IQCJ: variants seen among roughly 807,000 people sequenced by gnomAD.
IQCJ encodes IQ motif containing J.
In IQCJ, 9 loss-of-function variants were observed where a neutral mutation model predicts 11.0. The observed-to-expected ratio is 0.82, with a 90% CI of 0.49 to 1.43. The LOEUF is 1.43. Ranked by LOEUF, IQCJ falls within the 40% of genes most tolerant of loss-of-function variation. The pLI, the probability that IQCJ is intolerant of heterozygous loss-of-function variation, is 0.00. For missense variants in IQCJ, 146 were observed against 133.2 expected (o/e 1.10, Z -0.47); for synonymous variants, 55 against 51.3 (o/e 1.07, Z -0.31).
intron 3 of IQCJ, among the ~76,000 whole-genome samples, chr3:159,261,984 C>T (rs1029050164): frequency 2.0e-5 from 3 of 152,218 alleles, no homozygotes; most frequent in African/African-American, 7.2e-5. Context: ...CTGCCTTGTG[C>T]CCCACAGCAG....
At chr3:159,181,532 A>G (rs750451173) in intron 1 of IQCJ, among the ~76,000 whole-genome samples, 2 of 150,852 alleles carry the variant, frequency 1.3e-5, no homozygotes, top group Non-Finnish European at 3.0e-5. Context: ...TGGGAAATCC[A>G]CCAGGGATTT....
intron 1 of IQCJ, among the ~76,000 whole-genome samples, chr3:159,172,755 G>A (rs984385859): frequency 3.1e-5 from 4 of 130,256 alleles, no homozygotes; most frequent in African/African-American, 1.1e-4. Flanking sequence ...TAGGCAGGAA[G>A]CAGCCAAAGG....
chr3:159,144,023 T>C (rs888032398), intron 1 of IQCJ, among the ~76,000 whole-genome samples: 2 of 152,176 alleles, frequency 1.3e-5, no homozygotes, highest in African/African-American at 2.4e-5. Context: ...AGTCCTTTTA[T>C]AAGCATACTA....
At chr3:159,128,585 C>T (rs983108571) in intron 1 of IQCJ, among the ~76,000 whole-genome samples, 4 of 152,132 alleles carry the variant, frequency 2.6e-5, no homozygotes, top group Non-Finnish European at 4.4e-5. Flanking sequence ...GCATGCCCCT[C>T]GTTTCTAGAC....
intron 1 of IQCJ, among the ~76,000 whole-genome samples, chr3:159,245,224 A>G (rs999106691): frequency 1.1e-4 from 16 of 152,164 alleles, no homozygotes; most frequent in Admixed American, 8.5e-4. Flanking sequence ...GCATGCAGTC[A>G]TTAGAGTCTC....
At chr3:159,088,060 C>G (rs1046462729) in intron 1 of IQCJ, among the ~76,000 whole-genome samples, 33 of 152,128 alleles carry the variant, frequency 2.2e-4, no homozygotes, top group Admixed American at 6.5e-4. Context: ...GCATTTAATG[C>G]TATAAATTTC....
chr3:159,201,562 G>A (rs971718663), intron 1 of IQCJ, among the ~76,000 whole-genome samples: 1 of 147,736 alleles, frequency 6.8e-6, no homozygotes, highest in Admixed American at 6.8e-5. Context: ...TTTGGAATGA[G>A]TTGAATGGAA....
At chr3:159,234,348 A>G (rs1726449166) in intron 1 of IQCJ, among the ~76,000 whole-genome samples, 1 of 152,234 alleles carries the variant, frequency 6.6e-6, no homozygotes, top group African/African-American at 2.4e-5. Context: ...TAGTTGCAGA[A>G]GGAAATACTA....
At chr3:159,076,988 T>C (rs1412281070) in intron 1 of IQCJ, among the ~76,000 whole-genome samples, 1 of 152,162 alleles carries the variant, frequency 6.6e-6, no homozygotes, top group African/African-American at 2.4e-5. Context: ...TGGCATGCAA[T>C]AGACACTCCA....
intron 1 of IQCJ, among the ~76,000 whole-genome samples, chr3:159,111,821 C>T (rs1050156712): frequency 6.6e-6 from 1 of 152,072 alleles, no homozygotes; most frequent in Non-Finnish European, 1.5e-5. Context: ...GTTTTATTTG[C>T]ATTTAATTTT....
intron 1 of IQCJ, among the ~76,000 whole-genome samples, chr3:159,132,247 G>C (rs1439775565): frequency 2.0e-5 from 3 of 152,098 alleles, no homozygotes; most frequent in Admixed American, 6.6e-5. Context: ...GTCTCCTTCA[G>C]CTTCTTTTTC....
At chr3:159,072,323 G>A (rs536551532) in intron 1 of IQCJ, among the ~76,000 whole-genome samples, 3 of 151,986 alleles carry the variant, frequency 2.0e-5, no homozygotes, top group Non-Finnish European at 4.4e-5. Context: ...TCAACCAAGC[G>A]GGGGAGGAGG....
rs1055908975 is a variant in IQCJ at position 159,200,080 on chromosome 3, T to C, written c.10-45763T>C. Among the ~76,000 whole-genome samples the C allele has an allele frequency of 7.1e-5, 10 of 140,590 alleles. 1 individual carries two copies. Among genetic ancestry groups the C allele is most frequent in the African/African-American group, 2.7e-4 (10 of 37,210 alleles). 92.2% of individuals were successfully genotyped at this position (140,590 alleles called of 152,430 possible). A position where few individuals can be genotyped will look rare whatever the true frequency, so the allele number is the denominator to read the frequency against. On this transcript the variant is annotated intron_variant, in intron 1 of 3. Coordinates refer to ENST00000397832, the MANE Select transcript of IQCJ (RefSeq NM_001042706.3). ...AATTATATATATATGTGTGTGCATA[T>C]ATGTATGTATGTGTTTATACATAAA...
At chr3:159,147,373 T>C (rs1203111296) in intron 1 of IQCJ, among the ~76,000 whole-genome samples, 1 of 152,262 alleles carries the variant, frequency 6.6e-6, no homozygotes, top group African/African-American at 2.4e-5. Context: ...CAGCCTTTGC[T>C]TCTCCTCTTC....
At chr3:159,194,576 T>A (rs766611163) in intron 1 of IQCJ, among the ~76,000 whole-genome samples, 5 of 152,232 alleles carry the variant, frequency 3.3e-5, no homozygotes, top group Non-Finnish European at 7.3e-5. Context: ...GCATTTCTTA[T>A]CATTTTAGAT....
At position 159,081,955 on chromosome 3, in the gene IQCJ, T is replaced by C. The variant is rs546590017; in HGVS notation, c.9+12514T>C. ...TGCTTGTATTCAAACAAAACAAAAA[T>C]TGAAGTGGAGGGATGTCCATTAACT... On this transcript the variant is annotated intron_variant, in intron 1 of 3. Coordinates refer to ENST00000397832, the MANE Select transcript of IQCJ (RefSeq NM_001042706.3). Among the ~76,000 whole-genome samples, 221 of 152,208 alleles carry C rather than the reference T, an allele frequency of 1.5e-3. 1 individual carries two copies. Among genetic ancestry groups the C allele is most frequent in the African/African-American group, 4.9e-3 (205 of 41,540 alleles).
At chr3:159,246,414 TA>T (rs1235183727) in intron 2 of IQCJ, among the ~76,000 whole-genome samples, 7 of 152,224 alleles carry the variant, frequency 4.6e-5, no homozygotes, top group African/African-American at 1.7e-4. Flanking sequence ...ATTCTGATTA[TA>T]GCCTTTTGAT....
At chr3:159,102,544 C>T (rs1009369243) in intron 1 of IQCJ, among the ~76,000 whole-genome samples, 4 of 152,184 alleles carry the variant, frequency 2.6e-5, no homozygotes, top group African/African-American at 9.6e-5. Flanking sequence ...ATACCAATCA[C>T]ATGGGTCTGC....
At chr3:159,119,350 A>T in intron 1 of IQCJ, among the ~76,000 whole-genome samples, 1 of 152,210 alleles carries the variant, frequency 6.6e-6, no homozygotes, top group East Asian at 1.9e-4. Flanking sequence ...CTTCAGTCTT[A>T]TAAAACTAAT....
Sources: allele counts gnomAD v4.1 joint callset (sites outside exome capture counted in the v4.1 genomes callset), GRCh38; gene constraint gnomAD v4.1.1; transcripts MANE v1.5; gene names NCBI Gene and HGNC (gene_info 2026-07-23, HGNC 2026-07-21).